Variants in PEPD observed in about 807,000 individuals in gnomAD.
PEPD encodes peptidase D, also known as xaa-Pro dipeptidase.
A neutral mutation model predicts 60.7 loss-of-function variants in PEPD; 53 were observed. The ratio of observed to expected loss-of-function variants is 0.87; its 90% CI spans 0.70 to 1.10. PEPD has a LOEUF of 1.10. PEPD is among the 50% of genes least tolerant of loss of function. PEPD has a pLI of 0.00. For missense variants in PEPD, 711 were observed against 711.9 expected (o/e 1.00, Z 0.01); for synonymous variants, 267 against 284.1 (o/e 0.94, Z 0.60).
intron 3 of PEPD, among the ~76,000 whole-genome samples, chr19:33,507,554 C>T (rs1220058000): frequency 3.9e-5 from 6 of 152,080 alleles, no homozygotes; most frequent in East Asian, 3.9e-4. Context: ...TTTCCCTGGG[C>T]GACTTTGGAT....
intron 9 of PEPD, among the ~76,000 whole-genome samples, chr19:33,443,734 G>A (rs563083859): frequency 1.3e-5 from 2 of 152,368 alleles, no homozygotes; most frequent in East Asian, 3.8e-4. Context: ...TGATCTGACA[G>A]GCAGGTGCAG....
chr19:33,497,607 A>G (rs190299617), intron 4 of PEPD, among the ~76,000 whole-genome samples: 9 of 152,272 alleles, frequency 5.9e-5, no homozygotes, highest in African/African-American at 2.2e-4. Context: ...TTCAGAGGAG[A>G]CAAGCGTTGG....
chr19:33,517,023 A>T (rs1971035187), intron 1 of PEPD, among the ~76,000 whole-genome samples: 1 of 151,768 alleles, frequency 6.6e-6, no homozygotes, highest in Non-Finnish European at 1.5e-5. Context: ...TCTACCGAAA[A>T]CACAAAAATT....
At chr19:33,467,018 A>T (rs1024901496) in intron 7 of PEPD, among the ~76,000 whole-genome samples, 2 of 151,676 alleles carry the variant, frequency 1.3e-5, no homozygotes, top group Non-Finnish European at 2.9e-5. Context: ...TTAGCTGGGC[A>T]TGGTGGCGGG....
chr19:33,434,622 C>T (rs1030342777), intron 9 of PEPD, among the ~76,000 whole-genome samples: 2 of 151,996 alleles, frequency 1.3e-5, no homozygotes, highest in Middle Eastern at 3.4e-3. Context: ...CCCTTGGTCT[C>T]GGGGGTGAAC....
At chr19:33,462,249 G>A (rs1236375802) in intron 9 of PEPD, among the ~76,000 whole-genome samples, 1 of 152,242 alleles carries the variant, frequency 6.6e-6, no homozygotes, top group Non-Finnish European at 1.5e-5. Flanking sequence ...GGCAGGAAAG[G>A]AAAGCCCAGA....
intron 5 of PEPD, among the ~76,000 whole-genome samples, chr19:33,492,284 C>T (rs551752526): frequency 1.3e-5 from 2 of 152,298 alleles, no homozygotes; most frequent in East Asian, 3.9e-4. Context: ...GTCACTGCGC[C>T]CCACACCCCT....
chr19:33,397,025 C>T (rs886573291), intron 12 of PEPD, among the ~76,000 whole-genome samples: 1 of 152,152 alleles, frequency 6.6e-6, no homozygotes, highest in African/African-American at 2.4e-5. Flanking sequence ...CCTGCCCCAA[C>T]ACAGGAGCCG....
chr19:33,416,252 G>C (rs1451269588), intron 9 of PEPD, among the ~76,000 whole-genome samples: 3 of 152,192 alleles, frequency 2.0e-5, no homozygotes, highest in Non-Finnish European at 4.4e-5. Flanking sequence ...CTAACAGCCT[G>C]TCCCGTGGAT....
At chr19:33,434,482 G>A (rs1969337231) in intron 9 of PEPD, among the ~76,000 whole-genome samples, 1 of 152,114 alleles carries the variant, frequency 6.6e-6, no homozygotes, top group Admixed American at 6.5e-5. Flanking sequence ...CTAGGCTGGA[G>A]GCATCGGGGC....
chr19:33,502,914 C>T (rs140965087), intron 3 of PEPD, among the ~76,000 whole-genome samples: 1,533 of 132,072 alleles, frequency 0.012, 29 homozygotes, highest in African/African-American at 0.041. Context: ...ACAACCTGGA[C>T]AACTTGCAGT....
chr19:33,387,657 T>G (rs571958338), intron 14 of PEPD, 176 bp from the exon 15 acceptor site: 2 of 870,758 alleles, frequency 2.3e-6, no homozygotes, highest in South Asian at 2.9e-5. Flanking sequence ...CTGCTCACCC[T>G]GTCTTTGCCA....
intron 9 of PEPD, among the ~76,000 whole-genome samples, chr19:33,443,309 A>C (rs1201531587): frequency 6.6e-6 from 1 of 152,128 alleles, no homozygotes; most frequent in Non-Finnish European, 1.5e-5. Context: ...ACCACACTTT[A>C]TTTATCCGTG....
At chr19:33,387,831 C>T (rs1475718675) in intron 14 of PEPD, 59 bp downstream of exon 14, 1 of 1,362,132 alleles carries the variant, frequency 7.3e-7, no homozygotes, top group Non-Finnish European at 1.0e-6. Context: ...AAGGAGTCTG[C>T]AGCTGCAGTG....
intron 9 of PEPD, among the ~76,000 whole-genome samples, chr19:33,420,925 C>G (rs1437000647): frequency 6.6e-6 from 1 of 152,124 alleles, no homozygotes; most frequent in Non-Finnish European, 1.5e-5. Flanking sequence ...ATTAGTTTGC[C>G]TATTTTTTAA....
At chr19:33,436,954 AG>A (rs1969389686) in intron 9 of PEPD, among the ~76,000 whole-genome samples, 1 of 152,248 alleles carries the variant, frequency 6.6e-6, no homozygotes, top group African/African-American at 2.4e-5. Context: ...CCGATGAGGC[AG>A]AAGCCACAGG....
At chr19:33,413,356 C>T (rs190526063) in intron 10 of PEPD, among the ~76,000 whole-genome samples, 12 of 152,332 alleles carry the variant, frequency 7.9e-5, no homozygotes, top group Admixed American at 3.3e-4. Context: ...GCAGGCCATG[C>T]TCCCTCCTTC....
chr19:33,483,003 A>G (rs971779607), intron 6 of PEPD, among the ~76,000 whole-genome samples: 1 of 152,260 alleles, frequency 6.6e-6, no homozygotes, highest in Non-Finnish European at 1.5e-5. Flanking sequence ...CATAATGGTC[A>G]CGTGCTGGAA....
In PEPD at chr19:33,387,344, C is replaced by G; in HGVS notation, c.1482G>C (p.Ter494TyrextTer19). Reference protein sequence around the residue: ...KAFTPFSGPK* With the variant: ...KAFTPFSGPKY Reference sequence around the variant, plus strand: ...GGTGCGCTGGGATTTCTGGCTGGCTCTACTTGGGGCCAGAGAAGGGGGTAA... The same window carrying G: ...GGTGCGCTGGGATTTCTGGCTGGCTGTACTTGGGGCCAGAGAAGGGGGTAA... Residue 494 changes from the stop codon to tyrosine, a stop_lost, in exon 15 of 15, where the codon TAG (stop) becomes TAC (tyrosine). Coordinates refer to ENST00000244137, the MANE Select transcript of PEPD (RefSeq NM_000285.4). 6.2e-7 allele frequency: 1 copy of G among 1,613,918 alleles called. No homozygotes were observed. Among genetic ancestry groups the G allele is most frequent in the Non-Finnish European group, 8.5e-7 (1 of 1,180,030 alleles).
Sources: gnomAD v4.1 joint callset for allele counts (sites outside exome capture counted in the v4.1 genomes callset) on GRCh38, gnomAD v4.1.1 for gene constraint, MANE v1.5 for transcripts, NCBI Gene and HGNC (gene_info 2026-07-23, HGNC 2026-07-21) for gene names.